Variants in HPGD observed in about 807,000 individuals in gnomAD.
HPGD encodes 15-hydroxyprostaglandin dehydrogenase [NAD(+)].
A neutral mutation model predicts 30.0 loss-of-function variants in HPGD; 29 were observed. The observed-to-expected ratio is 0.97, with a 90% confidence interval of 0.72 to 1.32. HPGD has a LOEUF of 1.32. Among genes scored for constraint, HPGD ranks in the 40% most tolerant of loss-of-function variants. HPGD has a pLI of 0.00. For synonymous variants in HPGD, 99 were observed against 112.4 expected (o/e 0.88, Z 0.75); for missense variants, 340 against 322.1 (o/e 1.06, Z -0.43).
chr4:174,505,663 G>A (rs1047324240), intron 4 of HPGD, among the ~76,000 whole-genome samples: 10 of 152,304 alleles, frequency 6.6e-5, no homozygotes, highest in Middle Eastern at 3.4e-3. Flanking sequence ...GACTTTGTGA[G>A]TTGAAGGCAT....
chr4:174,507,113 C>A (rs1240581625), intron 4 of HPGD: 2 of 152,054 alleles, frequency 1.3e-5, no homozygotes, highest in Non-Finnish European at 2.9e-5. Context: ...TGCCAATTTG[C>A]TTTTAGGGTT....
chr4:174,501,547 A>C (rs1734899137), intron 4 of HPGD, among the ~76,000 whole-genome samples: 1 of 152,210 alleles, frequency 6.6e-6, no homozygotes, highest in African/African-American at 2.4e-5. Context: ...TTTTTAAAAT[A>C]TACCAAGTAT....
chr4:174,490,767 G>A lies in HPGD; in HGVS notation c.*1189C>T, dbSNP rs559082630. 2.0e-5 allele frequency: 3 copies of A among 152,256 alleles called. No homozygotes were observed. The highest frequency in any genetic ancestry group is 4.4e-5 in the Non-Finnish European group (3 of 68,002). 9.4% of individuals were successfully genotyped at this position (152,256 alleles called of 1,614,324 possible). On this transcript the variant is annotated 3_prime_UTR_variant, in exon 7 of 7. Transcript: ENST00000296522. The surrounding 1 kb of genome is among the most constrained non-coding windows in gnomAD (Gnocchi z 4.4). ...CATGGAAAGATTTGGCTTCAAGCTG[G>A]GAGGTCTGGAGTTAGCAGACAGGAT...
chr4:174,493,412 A>G (rs549836409), intron 5 of HPGD, 98 bp from the exon 6 acceptor site: 52 of 1,142,790 alleles, frequency 4.6e-5, no homozygotes, highest in Admixed American at 4.2e-4. Flanking sequence ...GATGTAAAAA[A>G]TACTAATTAG....
At position 174,508,635 on chromosome 4, in the gene HPGD, GT is replaced by G; in HGVS notation, c.421+60del. 6.3e-6 allele frequency: 6 copies of G among 945,074 alleles called. No homozygotes were observed. In the South Asian group the frequency reaches 7.7e-5, roughly 12 times the overall value. 58.5% of individuals were successfully genotyped at this position (945,074 alleles called of 1,614,324 possible). A position where few individuals can be genotyped will look rare whatever the true frequency, so the allele number is the denominator to read the frequency against. ...GATAATAAATATGCTTTGAAGATTTGTTTTTGTGGTCCAAATTACCAGTAAG... is the reference window on the plus strand; with the variant it reads ...GATAATAAATATGCTTTGAAGATTTGTTTTGTGGTCCAAATTACCAGTAAG... On this transcript the variant is annotated intron_variant, in intron 4 of 6. Transcript: ENST00000296522.
chr4:174,507,063 T>A (rs1276288296), intron 4 of HPGD: 1 of 152,228 alleles, frequency 6.6e-6, no homozygotes, highest in Non-Finnish European at 1.5e-5. Flanking sequence ...CACTTGTTTT[T>A]TTCTTATGAT....
intron 3 of HPGD, among the ~76,000 whole-genome samples, chr4:174,513,691 TTAACA>T (rs766218291): frequency 8.6e-5 from 13 of 151,714 alleles, no homozygotes; most frequent in South Asian, 2.1e-4. Context: ...AACAACAAAT[TTAACA>T]TAAAAGGTTG....
chr4:174,495,890 A>AG, intron 4 of HPGD: 1 of 460,168 alleles, frequency 2.2e-6, no homozygotes. Flanking sequence ...CTGCCTCCCC[A>AG]GGCCTTCTGG....
chr4:174,497,124 G>A (rs1734636368), intron 4 of HPGD, among the ~76,000 whole-genome samples: 1 of 152,164 alleles, frequency 6.6e-6, no homozygotes, highest in Non-Finnish European at 1.5e-5. Flanking sequence ...TTCCTTAAAT[G>A]TTTATGAGAC....
At chr4:174,511,858 G>C (rs1735519850) in intron 3 of HPGD, among the ~76,000 whole-genome samples, 1 of 152,098 alleles carries the variant, frequency 6.6e-6, no homozygotes, top group South Asian at 2.1e-4. Context: ...GTGTTAGCCA[G>C]GATGGTCTCA....
At chr4:174,516,556 T>C (rs1189424692) in intron 3 of HPGD, among the ~76,000 whole-genome samples, 2 of 152,090 alleles carry the variant, frequency 1.3e-5, no homozygotes, top group Non-Finnish European at 2.9e-5. Context: ...ATCTGGGTGA[T>C]GAAATCATCT....
chr4:174,508,083 A>C, intron 4 of HPGD: 1 of 699,392 alleles, frequency 1.4e-6, no homozygotes, highest in Non-Finnish European at 2.6e-6. Flanking sequence ...GCTAGAGAAA[A>C]AGGAATCCAG....
chr4:174,495,667 A>G (rs772254821), intron 4 of HPGD, 43 bp from the exon 5 acceptor site: 4 of 1,324,794 alleles, frequency 3.0e-6, no homozygotes, highest in Middle Eastern at 1.8e-4. Context: ...TGATGAAAAA[A>G]TAAGTAGACT....
rs1734411177 is a variant in HPGD, at chr4:174,492,976, C to T, written c.662+175G>A. On this transcript the variant is annotated intron_variant, in intron 6 of 6. Transcript: ENST00000296522. This position sits in a 1 kb window ranked among gnomAD's most constrained non-coding sequence, Gnocchi z 4.9. Reference sequence around the variant, plus strand: ...GTAACATTCATAATGTATAAACTTACATTCTATTTATAAACCCAGAAAAAT... The same window carrying T: ...GTAACATTCATAATGTATAAACTTATATTCTATTTATAAACCCAGAAAAAT... 6.6e-6 allele frequency among the ~76,000 whole-genome samples: 1 copy of T among 152,036 alleles called. No homozygotes were observed. The highest frequency in any genetic ancestry group is 2.4e-5 in the African/African-American group (1 of 41,422).
At chr4:174,522,130 A>G (rs1291308394) in intron 1 of HPGD, 63 bp from the exon 2 acceptor site, 1 of 1,611,708 alleles carries the variant, frequency 6.2e-7, no homozygotes, top group Admixed American at 1.7e-5. Context: ...GACAAACAAT[A>G]AACACACAAG....
intron 2 of HPGD, 63 bp from the exon 3 acceptor site, chr4:174,518,140 T>G: frequency 1.2e-6 from 1 of 816,328 alleles, no homozygotes; most frequent in Non-Finnish European, 2.1e-6. Context: ...TTAAATCATG[T>G]CCTATGCCAT....
At chr4:174,509,592 G>A (rs953359687) in intron 3 of HPGD, among the ~76,000 whole-genome samples, 1 of 152,108 alleles carries the variant, frequency 6.6e-6, no homozygotes, top group Non-Finnish European at 1.5e-5. Flanking sequence ...TAACTTAAAT[G>A]GACAACCCCT....
chr4:174,496,756 G>A lies in HPGD; in HGVS notation c.422-1132C>T, dbSNP rs745616688. ...TCCCAGAATGCCACCAATCATTTGA[G>A]GGTGTTGGGCCAAAGTTCAGCAATA... is the stretch of plus-strand genomic sequence containing the variant. On this transcript the variant is annotated intron_variant, in intron 4 of 6. Coordinates refer to ENST00000296522, the MANE Select transcript of HPGD (RefSeq NM_000860.6). The surrounding 1 kb of genome is among the most constrained non-coding windows in gnomAD (Gnocchi z 4.6). 6.6e-6 allele frequency among the ~76,000 whole-genome samples: 1 copy of A among 152,160 alleles called. No homozygotes were observed. Among genetic ancestry groups the A allele is most frequent in the African/African-American group, 2.4e-5 (1 of 41,448 alleles).
chr4:174,508,120 C>T, intron 4 of HPGD: 1 of 702,248 alleles, frequency 1.4e-6, no homozygotes. Context: ...CTGGGAGCTC[C>T]CTGCTGAAGA....
Sources: allele counts gnomAD v4.1 joint callset (sites outside exome capture counted in the v4.1 genomes callset), GRCh38; gene constraint gnomAD v4.1.1; non-coding constraint Gnocchi (gnomAD v3.1); transcripts MANE v1.5; gene names NCBI Gene and HGNC (gene_info 2026-07-23, HGNC 2026-07-21).